Variants in MYO7A observed in about 807,000 individuals in gnomAD.
MYO7A encodes myosin VIIA, also known as unconventional myosin-VIIa.
A neutral mutation model predicts 263.8 loss-of-function variants in MYO7A; 210 were observed. The observed-to-expected ratio is 0.80, with a 90% CI of 0.71 to 0.89. The LOEUF is 0.89. MYO7A is among the 40% of genes least tolerant of loss of function. The pLI, the probability that MYO7A is intolerant of heterozygous loss-of-function variation, is 0.00. For synonymous variants in MYO7A, 1,239 were observed against 1,197.3 expected (o/e 1.03, Z -0.72); for missense variants, 2,820 against 2,968.3 (o/e 0.95, Z 1.16).
rs145750047 is a variant in MYO7A at position 77,206,229 on chromosome 11, C to T, written c.5742+27C>T. ...TGAGGGTCACCGGCTTCTAGGTCTGCAGTGCCCAGGACAGGGCCGGGCTTC... is the reference window on the plus strand; with the variant it reads ...TGAGGGTCACCGGCTTCTAGGTCTGTAGTGCCCAGGACAGGGCCGGGCTTC... On this transcript the variant is annotated intron_variant, in intron 41 of 48. Transcript: ENST00000409709. 887 of 1,568,068 alleles carry T rather than the reference C, an allele frequency of 5.7e-4. 7 individuals carry two copies. In the Admixed American group the frequency reaches 0.011, roughly 19 times the overall value.
intron 12 of MYO7A, 55 bp downstream of exon 12, chr11:77,161,170 A>AAT: frequency 1.2e-6 from 2 of 1,605,374 alleles, no homozygotes; most frequent in Non-Finnish European, 1.7e-6. Flanking sequence ...GGAAATAAGA[A>AAT]ATATCACGTC....
rs1591183502 is a variant in MYO7A, at chr11:77,138,768, A to G, written c.19-3941A>G. On this transcript the variant is annotated intron_variant, in intron 2 of 48. Transcript: ENST00000409709. The surrounding 1 kb of genome is among the most constrained non-coding windows in gnomAD (Gnocchi z 4.9). Reference sequence around the variant, plus strand: ...TTATGGACTGGCTGACCGCTGATGGAAGAGAAAGCTAGGCCCACTGGTCTC... The same window carrying G: ...TTATGGACTGGCTGACCGCTGATGGGAGAGAAAGCTAGGCCCACTGGTCTC... Among the ~76,000 whole-genome samples the G allele has an allele frequency of 4.6e-5, 7 of 152,314 alleles. No individual in the cohort carries two copies. The South Asian group carries it at 1.5e-3, about 32-fold the overall frequency.
In MYO7A at chr11:77,190,931, G is replaced by A. The variant is rs896208675; in HGVS notation, c.3924+61G>A. On this transcript the variant is annotated intron_variant, in intron 30 of 48. Coordinates refer to ENST00000409709, the MANE Select transcript of MYO7A (RefSeq NM_000260.4). ...CCTCCTCCCGGCCCCACTCCGGGCT[G>A]CCAGTGCTGCCACCTACTTGCCGGG... is the stretch of plus-strand genomic sequence containing the variant. 5 of 1,466,218 alleles carry A rather than the reference G, an allele frequency of 3.4e-6. No individual in the cohort carries two copies. The African/African-American group carries it at 5.7e-5, about 17-fold the overall frequency. The allele number at this position is 1,466,218 out of a possible 1,614,324, so 90.8% of individuals were successfully genotyped here. A position where few individuals can be genotyped will look rare whatever the true frequency, so the allele number is the denominator to read the frequency against.
chr11:77,179,198 GGA>G, intron 20 of MYO7A, 69 bp downstream of exon 20: 1 of 1,360,396 alleles, frequency 7.4e-7, no homozygotes, highest in Non-Finnish European at 1.0e-6. Flanking sequence ...CATGGCAGTG[GGA>G]CTGGCCTGCA....
intron 27 of MYO7A, among the ~76,000 whole-genome samples, chr11:77,188,081 GCCAGGAGC>G (rs1555089386): frequency 6.6e-6 from 1 of 152,184 alleles, no homozygotes; most frequent in Non-Finnish European, 1.5e-5. Flanking sequence ...GAAACACGGT[GCCAGGAGC>G]CCTGAACCAA....
Position 77,199,785 on chromosome 11 carries a change from T to C in MYO7A, c.4819T>C (p.Tyr1607His), listed in dbSNP as rs774528138. 1.2e-5 allele frequency: 20 copies of C among 1,607,160 alleles called. No individual in the cohort carries two copies. Among genetic ancestry groups the C allele is most frequent in the Admixed American group, 1.7e-5 (1 of 59,816 alleles). The change falls in exon 35 of 49, where the codon TAT becomes CAT. Residue 1607 changes from tyrosine (Y) to histidine (H), a missense_variant. Coordinates refer to ENST00000409709, the MANE Select transcript of MYO7A (RefSeq NM_000260.4). ...FLEGLRKRSK[Y>H]VVALQDNPNP... is the part of the protein sequence containing the mutation. The stretch of plus-strand genomic sequence containing the variant: ...AGAGGGGCTCCGGAAGAGATCTAAG[T>C]ATGTTGTGGCCCTGCAGGATAACCC...
At chr11:77,149,699 GGC>G (rs1354660090) in intron 4 of MYO7A, among the ~76,000 whole-genome samples, 2 of 152,150 alleles carry the variant, frequency 1.3e-5, no homozygotes, top group Non-Finnish European at 2.9e-5. Flanking sequence ...CCAGAGGAGA[GGC>G]TGTGTATGGC....
In MYO7A at chr11:77,214,616, A is replaced by T; in HGVS notation, c.6568A>T (p.Met2190Leu). ...LLCETSLGYK[M>L]DDLLTSYISQ... ...TCACCCCTGCTTCCAGGGCTACAAG[A>T]TGGATGACCTCCTGACTTCCTACAT... The change falls in exon 49 of 49, where the codon ATG (methionine) becomes TTG (leucine). Residue 2190 changes from methionine to leucine, a missense_variant. Coordinates refer to ENST00000409709, the MANE Select transcript of MYO7A (RefSeq NM_000260.4). 1 of 1,580,994 alleles carries T rather than the reference A, an allele frequency of 6.3e-7. No homozygotes were observed. Among genetic ancestry groups the T allele is most frequent in the Non-Finnish European group, 8.6e-7 (1 of 1,163,156 alleles).
At chr11:77,173,255 A>G (rs924554228) in intron 16 of MYO7A, among the ~76,000 whole-genome samples, 6 of 152,342 alleles carry the variant, frequency 3.9e-5, no homozygotes, top group African/African-American at 1.4e-4. Context: ...CACACCCAGC[A>G]AGTGCCCAGT....
intron 5 of MYO7A, 107 bp downstream of exon 5, chr11:77,156,198 T>A: frequency 8.0e-7 from 1 of 1,254,404 alleles, no homozygotes; most frequent in Non-Finnish European, 1.1e-6. Context: ...GGAAATGCCA[T>A]CAAGCTCTTC....
At chr11:77,152,918 G>A (rs1399600935) in intron 4 of MYO7A, among the ~76,000 whole-genome samples, 2 of 152,152 alleles carry the variant, frequency 1.3e-5, no homozygotes, top group African/African-American at 4.8e-5. Context: ...GGGATGGAGT[G>A]TGGTGCTTTT....
At position 77,157,321 on chromosome 11, in the gene MYO7A, G is replaced by T. The variant is rs1555064033; in HGVS notation, c.778G>T (p.Glu260Ter). The T allele has an allele frequency of 6.2e-7, 1 of 1,612,694 alleles. No homozygotes were observed. Among genetic ancestry groups the T allele is most frequent in the Admixed American group, 1.7e-5 (1 of 59,824 alleles). ...CTACCACGTGTTCTACTGCATGCTG[G>T]AGGGTATGAGTGAGGATCAGAAGAA... ...RNYHVFYCML[E>*]GMSEDQKKKL... The change falls in exon 8 of 49, where the codon GAG becomes TAG. Residue 260 changes from glutamate to a stop codon, truncating the protein, a stop_gained. Transcript: ENST00000409709. LOFTEE classifies it high-confidence loss of function.
At chr11:77,195,039 C>G (rs534177084) in intron 32 of MYO7A, among the ~76,000 whole-genome samples, 1 of 152,230 alleles carries the variant, frequency 6.6e-6, no homozygotes, top group South Asian at 2.1e-4. Flanking sequence ...GGAGCACTGG[C>G]TGCTGGTAGG....
rs1188092567 is a variant in MYO7A, at chr11:77,206,085, C to G, written c.5637-12C>G. 1 of 1,602,758 alleles carries G rather than the reference C, an allele frequency of 6.2e-7. No homozygotes were observed. The highest frequency in any genetic ancestry group is 8.5e-7 in the Non-Finnish European group (1 of 1,174,268). On this transcript the variant is annotated splice_polypyrimidine_tract_variant and intron_variant, in intron 40 of 48. Coordinates refer to ENST00000409709, the MANE Select transcript of MYO7A (RefSeq NM_000260.4). ...ACGCACATGCCCCCTGCTGCCCCTG[C>G]TGCCTTTTCAGAAACGGGTCCCGGA...
At chr11:77,157,673 G>C (rs1444839390) in intron 8 of MYO7A, among the ~76,000 whole-genome samples, 1 of 151,958 alleles carries the variant, frequency 6.6e-6, no homozygotes, top group Admixed American at 6.6e-5. Flanking sequence ...CTGGGCTGGG[G>C]TGGGCCAGGC....
Position 77,174,749 on chromosome 11 carries a change from C to G in MYO7A, c.1936-7C>G. On this transcript the variant is annotated splice_region_variant and splice_polypyrimidine_tract_variant and intron_variant, in intron 16 of 48. Coordinates refer to ENST00000409709, the MANE Select transcript of MYO7A (RefSeq NM_000260.4). ...GGCCCTGATGCCCTTGGCTGTGTGC[C>G]TGGCAGCTGTTCGACCGGCACCTGT... The G allele has an allele frequency of 6.3e-7, 1 of 1,575,126 alleles. No individual in the cohort carries two copies. The highest frequency in any genetic ancestry group is 8.6e-7 in the Non-Finnish European group (1 of 1,161,050).
chr11:77,151,696 C>A (rs1951978477), intron 4 of MYO7A, among the ~76,000 whole-genome samples: 2 of 152,242 alleles, frequency 1.3e-5, no homozygotes, highest in Admixed American at 1.3e-4. Flanking sequence ...GGCATTAATT[C>A]TCTGCCAACC....
chr11:77,184,377 C>G (rs1279889756), intron 26 of MYO7A, among the ~76,000 whole-genome samples: 1 of 152,166 alleles, frequency 6.6e-6, no homozygotes, highest in East Asian at 1.9e-4. Flanking sequence ...TGGGTGGCAC[C>G]GGGCCAGTGT....
rs745987795 is a variant in MYO7A at position 77,211,856 on chromosome 11, G to A, written c.6273G>A (p.Lys2091=). Residue 2091 remains lysine (K), a synonymous_variant, in exon 46 of 49, where the codon AAG becomes AAA. Coordinates refer to ENST00000409709, the MANE Select transcript of MYO7A (RefSeq NM_000260.4). ...IVAYFNKHAG[K]SKEEAKLAFL... The stretch of plus-strand genomic sequence containing the variant: ...CCTACTTCAACAAGCACGCAGGGAA[G>A]TCCAAGGAGGAGGCCAAGCTGGCCT... 6.2e-7 allele frequency: 1 copy of A among 1,614,004 alleles called. No homozygotes were observed. The highest frequency in any genetic ancestry group is 1.1e-5 in the South Asian group (1 of 91,088).
Sources: gnomAD v4.1 joint callset for allele counts (sites outside exome capture counted in the v4.1 genomes callset) on GRCh38, gnomAD v4.1.1 for gene constraint, Gnocchi (gnomAD v3.1) non-coding constraint, MANE v1.5 for transcripts, NCBI Gene and HGNC (gene_info 2026-07-23, HGNC 2026-07-21) for gene names.